The following DOCK10 variants were observed in gnomAD, a reference collection of about 807,000 sequenced individuals.
DOCK10 encodes the protein dedicator of cytokinesis protein 10.
Under a neutral mutation model 280.1 loss-of-function variants are expected in DOCK10, and 145 were observed. The observed-to-expected ratio is 0.52, with a 90% CI of 0.45 to 0.59. The LOEUF (loss-of-function observed/expected upper bound fraction) is 0.59. Among genes scored for constraint, DOCK10 ranks in the 20% least tolerant of loss-of-function variants. DOCK10 has a pLI of 0.00. For missense variants in DOCK10, 2,368 were observed against 2,651.7 expected, an observed-to-expected ratio of 0.89 and a Z score of 2.35; for synonymous variants, 915 against 942.2, an observed-to-expected ratio of 0.97 and a Z score of 0.53.
chr2:224,768,531 T>G (rs1197659081), intron 55 of DOCK10, among the ~76,000 whole-genome samples: 1 of 152,222 alleles, frequency 6.6e-6, no homozygotes, highest in Non-Finnish European at 1.5e-5. Context: ...GAGATGATTT[T>G]TCTCTCCCCT....
At chr2:224,921,113 AT>A (rs1445688706) in intron 2 of DOCK10, among the ~76,000 whole-genome samples, 146 of 74,324 alleles carry the variant, frequency 2.0e-3, no homozygotes, top group East Asian at 7.2e-3. Context: ...AAAAAAAAAA[AT>A]ATATATATAT....
chr2:224,837,880 C>T (rs1416930590), intron 24 of DOCK10, 49 bp from the exon 25 acceptor site: 4 of 1,455,478 alleles, frequency 2.7e-6, no homozygotes, highest in East Asian at 2.3e-5. Flanking sequence ...GGCAGAAAAA[C>T]CCCGCTTTAG....
intron 3 of DOCK10, among the ~76,000 whole-genome samples, chr2:224,916,492 G>A (rs1193668619): frequency 2.0e-5 from 3 of 150,740 alleles, no homozygotes; most frequent in Non-Finnish European, 4.4e-5. Flanking sequence ...TGTGAGCAGA[G>A]GTGGTGCCAC....
intron 53 of DOCK10, among the ~76,000 whole-genome samples, chr2:224,772,879 A>G (rs979835565): frequency 6.6e-6 from 1 of 152,224 alleles, no homozygotes; most frequent in Non-Finnish European, 1.5e-5. Context: ...TTGTTAGTAT[A>G]CAGATATAGA....
intron 26 of DOCK10, among the ~76,000 whole-genome samples, chr2:224,833,044 C>T (rs1338837997): frequency 6.6e-6 from 1 of 152,182 alleles, no homozygotes; most frequent in Non-Finnish European, 1.5e-5. Flanking sequence ...TCCCTTCACT[C>T]CATATTTTAA....
chr2:224,814,500 T>G (rs1693994312), intron 30 of DOCK10, 136 bp from the exon 31 acceptor site: 1 of 448,496 alleles, frequency 2.2e-6, no homozygotes, highest in Middle Eastern at 5.8e-4. Flanking sequence ...TTGCCAGTTT[T>G]CAAGGAGAAT....
Position 224,896,434 on chromosome 2 carries a change from C to T in DOCK10, c.334-57G>A, listed in dbSNP as rs769839979. The T allele has an allele frequency of 3.6e-5, 41 of 1,140,982 alleles. No homozygotes were observed. The Admixed American group carries it at 5.4e-4, about 15-fold the overall frequency. 70.7% of individuals were successfully genotyped at this position (1,140,982 alleles called of 1,614,324 possible). ...TAAAAATTATCATTAAAAGGCTGGGCGCGGTGGCGCTTGCCTGTAATCCCA... is the reference window on the plus strand; with the variant it reads ...TAAAAATTATCATTAAAAGGCTGGGTGCGGTGGCGCTTGCCTGTAATCCCA... On this transcript the variant is annotated intron_variant, in intron 3 of 55. Coordinates refer to ENST00000258390, the MANE Select transcript of DOCK10 (RefSeq NM_014689.3).
intron 18 of DOCK10, 62 bp from the exon 19 acceptor site, chr2:224,849,661 A>G (rs1696598967): frequency 1.6e-6 from 2 of 1,243,040 alleles, no homozygotes; most frequent in Admixed American, 4.0e-5. Context: ...GGGTGAAAAA[A>G]AAGTCCATAA....
At chr2:224,848,507 G>A (rs1484740944) in intron 19 of DOCK10, among the ~76,000 whole-genome samples, 1 of 152,214 alleles carries the variant, frequency 6.6e-6, no homozygotes, top group Non-Finnish European at 1.5e-5. Context: ...GGAGTCACAT[G>A]GTCTGGTTTG....
intron 1 of DOCK10, among the ~76,000 whole-genome samples, chr2:224,938,296 T>C (rs1027767600): frequency 1.3e-5 from 2 of 152,190 alleles, no homozygotes; most frequent in African/African-American, 2.4e-5. Context: ...ATTTTCAATA[T>C]TCATAACAGA....
chr2:224,904,497 C>T (rs1700473741), intron 3 of DOCK10, among the ~76,000 whole-genome samples: 1 of 152,044 alleles, frequency 6.6e-6, no homozygotes, highest in African/African-American at 2.4e-5. Flanking sequence ...TCATATAGCC[C>T]TGAGGTCACA....
intron 7 of DOCK10, among the ~76,000 whole-genome samples, chr2:224,884,458 G>A (rs1574992012): frequency 6.6e-6 from 1 of 152,202 alleles, no homozygotes; most frequent in South Asian, 2.1e-4. Context: ...AAATTTGAGG[G>A]AAGGTTGCTA....
intron 1 of DOCK10, among the ~76,000 whole-genome samples, chr2:225,000,094 A>G (rs2126283086): frequency 6.6e-6 from 1 of 152,254 alleles, no homozygotes; most frequent in East Asian, 1.9e-4. Context: ...TTTCTATGCA[A>G]AAATATAGCT....
intron 2 of DOCK10, among the ~76,000 whole-genome samples, chr2:224,919,052 CTGTGTGGTGTA>C (rs1701525212): frequency 8.6e-6 from 1 of 116,798 alleles, no homozygotes; most frequent in Admixed American, 8.9e-5. Flanking sequence ...TATGTGTGGT[CTGTGTGGTGTA>C]TGTGTGGTGT....
intron 1 of DOCK10, among the ~76,000 whole-genome samples, chr2:224,985,297 C>A (rs1055727315): frequency 6.6e-6 from 1 of 151,890 alleles, no homozygotes; most frequent in Non-Finnish European, 1.5e-5. Flanking sequence ...ATGTCACTAA[C>A]AATTCGTAAG....
intron 28 of DOCK10, among the ~76,000 whole-genome samples, chr2:224,821,415 C>T (rs1694496332): frequency 1.3e-5 from 2 of 152,204 alleles, no homozygotes; most frequent in African/African-American, 2.4e-5. Context: ...TTTATGACAT[C>T]AGCACTAGGA....
chr2:224,997,129 T>A (rs759385845), intron 1 of DOCK10, among the ~76,000 whole-genome samples: 1 of 152,222 alleles, frequency 6.6e-6, no homozygotes, highest in Non-Finnish European at 1.5e-5. Context: ...CTTATTTCCA[T>A]GTTTCTGTCT....
At chr2:225,026,361 G>T (rs1689922072) in intron 1 of DOCK10, among the ~76,000 whole-genome samples, 1 of 152,224 alleles carries the variant, frequency 6.6e-6, no homozygotes, top group Non-Finnish European at 1.5e-5. Context: ...GTGGATAGTT[G>T]CCTGGGGAGA....
At chr2:224,972,604 C>T (rs528682415) in intron 1 of DOCK10, among the ~76,000 whole-genome samples, 1 of 152,230 alleles carries the variant, frequency 6.6e-6, no homozygotes, top group African/African-American at 2.4e-5. Context: ...ATCTATTCTC[C>T]ATCTCTAAAT....
Sources: gnomAD v4.1 joint callset for allele counts (sites outside exome capture counted in the v4.1 genomes callset) on GRCh38, gnomAD v4.1.1 for gene constraint, MANE v1.5 for transcripts, NCBI Gene and HGNC (gene_info 2026-07-23, HGNC 2026-07-21) for gene names.